The following RBFOX3 variants were observed in gnomAD, a reference collection of about 807,000 sequenced individuals.
The protein encoded by RBFOX3 is RNA binding fox-1 homolog 3, also known as RNA binding protein fox-1 homolog 3.
RBFOX3 carries 17 observed loss-of-function variants against 48.7 expected under a neutral mutation model. The observed-to-expected ratio is 0.35, with a 90% CI of 0.24 to 0.52. RBFOX3 has a LOEUF of 0.52. RBFOX3 is among the 20% of genes least tolerant of loss of function. The pLI, the probability that RBFOX3 is intolerant of heterozygous loss-of-function variation, is 0.94. For missense variants in RBFOX3, 382 were observed against 497.5 expected (o/e 0.77, Z 2.21); for synonymous variants, 212 against 209.5 (o/e 1.01, Z -0.10).
chr17:79,560,665 C>A (rs1334947447), intron 1 of RBFOX3, among the ~76,000 whole-genome samples: 1 of 152,142 alleles, frequency 6.6e-6, no homozygotes, highest in Admixed American at 6.5e-5. Flanking sequence ...GTCACAGCAA[C>A]CTCACCTCAC....
chr17:79,543,990 T>C (rs1355896191), intron 1 of RBFOX3, among the ~76,000 whole-genome samples: 1 of 152,120 alleles, frequency 6.6e-6, no homozygotes, highest in African/African-American at 2.4e-5. Context: ...TAAGGGAAAC[T>C]CGTGCCTAGG....
Position 79,461,358 on chromosome 17 carries a change from T to C in RBFOX3, c.-175+21096A>G, listed in dbSNP as rs575119311. ...ACATTCTTTCTGTTCTGCTTCTGAATACCACCACCCAAGTCTTCCATTCTC... is the reference window on the plus strand; with the variant it reads ...ACATTCTTTCTGTTCTGCTTCTGAACACCACCACCCAAGTCTTCCATTCTC... On this transcript the variant is annotated intron_variant, in intron 2 of 14. Transcript: ENST00000693108. Among the ~76,000 whole-genome samples the C allele has an allele frequency of 2.6e-5, 4 of 152,330 alleles. No homozygotes were observed. In the South Asian group the frequency reaches 8.3e-4, roughly 32 times the overall value.
chr17:79,461,634 G>A (rs2075381108), intron 2 of RBFOX3, among the ~76,000 whole-genome samples: 1 of 152,210 alleles, frequency 6.6e-6, no homozygotes, highest in Non-Finnish European at 1.5e-5. Context: ...AACAGTGGAC[G>A]CCCAGAACTC....
At chr17:79,345,317 C>T (rs1251631431) in intron 2 of RBFOX3, among the ~76,000 whole-genome samples, 1 of 152,190 alleles carries the variant, frequency 6.6e-6, no homozygotes, top group Non-Finnish European at 1.5e-5. Flanking sequence ...GTGATGTCCC[C>T]TGCTTCATTA....
chr17:79,283,835 A>G (rs1246510152), intron 3 of RBFOX3, among the ~76,000 whole-genome samples: 1 of 152,142 alleles, frequency 6.6e-6, no homozygotes, highest in African/African-American at 2.4e-5. Flanking sequence ...CTTCAAAACC[A>G]ACTAATTTCC....
At chr17:79,356,230 T>A (rs902451502) in intron 2 of RBFOX3, among the ~76,000 whole-genome samples, 1 of 151,904 alleles carries the variant, frequency 6.6e-6, no homozygotes, top group Admixed American at 6.6e-5. Context: ...GAGCAGGACA[T>A]ACTTGCAGAC....
intron 13 of RBFOX3, among the ~76,000 whole-genome samples, chr17:79,094,778 G>A (rs78798924): frequency 0.011 from 1,658 of 151,038 alleles, 20 homozygotes; most frequent in Middle Eastern, 0.021. Context: ...TGACGGGGTG[G>A]GGGGAGGGGG....
intron 4 of RBFOX3, among the ~76,000 whole-genome samples, chr17:79,207,307 C>T (rs2057641906): frequency 6.6e-6 from 1 of 152,214 alleles, no homozygotes; most frequent in Admixed American, 6.5e-5. Flanking sequence ...AGGACAGGTA[C>T]AGAGTTGAAA....
chr17:79,325,947 C>T (rs2079245285), intron 2 of RBFOX3, among the ~76,000 whole-genome samples: 1 of 152,236 alleles, frequency 6.6e-6, no homozygotes, highest in Admixed American at 6.5e-5. Flanking sequence ...GGACCAACTG[C>T]ACTTTCAGAG....
chr17:79,413,996 G>A (rs1304288962), intron 2 of RBFOX3, among the ~76,000 whole-genome samples: 1 of 152,098 alleles, frequency 6.6e-6, no homozygotes, highest in East Asian at 1.9e-4. Flanking sequence ...AGGGGCAGCA[G>A]GGGCAGGACA....
intron 2 of RBFOX3, among the ~76,000 whole-genome samples, chr17:79,324,822 T>C (rs2079066907): frequency 6.6e-6 from 1 of 152,210 alleles, no homozygotes; most frequent in Non-Finnish European, 1.5e-5. Flanking sequence ...GCTCAGCCCT[T>C]GCTTCCTCAG....
chr17:79,654,032 T>C, the RBFOX3 span, among the ~76,000 whole-genome samples: 4 of 149,580 alleles, frequency 2.7e-5, no homozygotes, highest in Non-Finnish European at 5.9e-5. Context: ...ATACTGCTCT[T>C]TTTTTTTTCA....
chr17:79,241,604 G>A (rs951297258), intron 3 of RBFOX3, among the ~76,000 whole-genome samples: 1 of 152,154 alleles, frequency 6.6e-6, no homozygotes, highest in African/African-American at 2.4e-5. Flanking sequence ...TGTGCGGGAG[G>A]AAGCTTGACT....
chr17:79,385,870 T>C (rs557726089), intron 2 of RBFOX3, among the ~76,000 whole-genome samples: 2 of 147,662 alleles, frequency 1.4e-5, no homozygotes, highest in East Asian at 4.0e-4. Flanking sequence ...AGGAGCTCCA[T>C]CACCTCCTGT....
rs113797634 is a variant in RBFOX3 at position 79,453,117 on chromosome 17, C to T, written c.-175+29337G>A. Among the ~76,000 whole-genome samples the T allele has an allele frequency of 5.5e-3, 832 of 152,364 alleles. 11 individuals are homozygous for T. The highest frequency in any genetic ancestry group is 0.019 in the African/African-American group (801 of 41,594). On this transcript the variant is annotated intron_variant, in intron 2 of 14. Transcript: ENST00000693108. ...TGCAGCAGTCCTCAACCTGCAGTCA[C>T]GGCAGTGTGTCCTTTCTGTAAACCC...
chr17:79,586,585 G>A (rs1214499587), intron 1 of RBFOX3, among the ~76,000 whole-genome samples: 2 of 152,264 alleles, frequency 1.3e-5, no homozygotes, highest in African/African-American at 4.8e-5. Flanking sequence ...GGATTAGCTA[G>A]AAACCAACAG....
intron 2 of RBFOX3, among the ~76,000 whole-genome samples, chr17:79,427,089 C>T (rs1455022308): frequency 1.3e-5 from 2 of 152,188 alleles, no homozygotes; most frequent in Non-Finnish European, 2.9e-5. Context: ...CCGCCAATCC[C>T]GAAGCTCTCT....
intron 14 of RBFOX3, chr17:79,092,218 T>G: frequency 5.1e-6 from 5 of 985,542 alleles, no homozygotes; most frequent in Non-Finnish European, 6.0e-6. Context: ...ATGTGGCTCT[T>G]GCCCTCATAG....
intron 9 of RBFOX3, 31 bp from the exon 10 acceptor site, chr17:79,097,776 GC>G (rs2075660954): frequency 6.5e-7 from 1 of 1,549,374 alleles, no homozygotes; most frequent in South Asian, 1.2e-5. Context: ...CCTAGTCACT[GC>G]CTTCCCCGAC....
Sources: allele counts gnomAD v4.1 joint callset (sites outside exome capture counted in the v4.1 genomes callset), GRCh38; gene constraint gnomAD v4.1.1; transcripts MANE v1.5; gene names NCBI Gene and HGNC (gene_info 2026-07-23, HGNC 2026-07-21).